Variants in BUD13 observed in about 807,000 individuals in gnomAD.
The protein encoded by BUD13 is BUD13 spliceosome associated protein.
A neutral mutation model predicts 62.5 loss-of-function variants in BUD13; 47 were observed. The ratio of observed to expected loss-of-function variants is 0.75; its 90% CI spans 0.60 to 0.96. The LOEUF is 0.96. Among genes scored for constraint, BUD13 ranks in the 40% least tolerant of loss-of-function variants. The pLI is 0.00. For synonymous variants in BUD13, 293 were observed against 280.1 expected, an observed-to-expected ratio of 1.05 and a Z score of -0.46; for missense variants, 821 against 790.9, an observed-to-expected ratio of 1.04 and a Z score of -0.46.
At position 116,762,978 on chromosome 11, in the gene BUD13, C is replaced by T; in HGVS notation, c.611G>A (p.Arg204Lys). The T allele has an allele frequency of 6.2e-7, 1 of 1,613,672 alleles. No homozygotes were observed. Among genetic ancestry groups the T allele is most frequent in the South Asian group, 1.1e-5 (1 of 91,052 alleles). ...ACCTGAAGAATTATGCTGAGGCCTC[C>T]TTGGGGGAGAAGGATCTGGAGAATC... Reference protein sequence around the residue: ...RHDSPDPSPPRRPQHNSSGAS... With the variant: ...RHDSPDPSPPKRPQHNSSGAS... Residue 204 changes from arginine (R) to lysine (K), a missense_variant, in exon 4 of 10, where the codon AGG (arginine) becomes AAG (lysine). Transcript: ENST00000260210.
chr11:116,758,271 T>A lies in BUD13; in HGVS notation c.1497A>T (p.Lys499Asn). ...TACCCTTTCAGTGGTTCCCTTACCC[T>A]TTTCCCCACTGGGCATACAGCTCAT... ...ERDELYAQWG[K>N]GLAQSRQQQQ... Residue 499 changes from lysine (K) to asparagine (N), a missense_variant and splice_region_variant, in exon 7 of 10, where the codon AAA becomes AAT. Coordinates refer to ENST00000260210, the MANE Select transcript of BUD13 (RefSeq NM_032725.4). 6.2e-7 allele frequency: 1 copy of A among 1,613,752 alleles called. No homozygotes were observed. Among genetic ancestry groups the A allele is most frequent in the Non-Finnish European group, 8.5e-7 (1 of 1,179,786 alleles).
intron 2 of BUD13, among the ~76,000 whole-genome samples, chr11:116,769,077 C>G (rs1940580491): frequency 6.6e-6 from 1 of 151,292 alleles, no homozygotes; most frequent in African/African-American, 2.4e-5. Context: ...TGGAATCCAT[C>G]TTTACCAACT....
At chr11:116,749,352 T>G (rs1940194566) in intron 9 of BUD13, among the ~76,000 whole-genome samples, 1 of 152,110 alleles carries the variant, frequency 6.6e-6, no homozygotes, top group Non-Finnish European at 1.5e-5. Flanking sequence ...CAGCATAAAC[T>G]CTGGTAGAAA....
Position 116,763,262 on chromosome 11 carries a change from G to A in BUD13, c.327C>T (p.His109=). 6.5e-7 allele frequency: 1 copy of A among 1,532,928 alleles called. No individual in the cohort carries two copies. The highest frequency in any genetic ancestry group is 2.3e-5 in the East Asian group (1 of 44,156). The allele number at this position is 1,532,928 out of a possible 1,614,324, so 95.0% of individuals were successfully genotyped here. ...SSAKWKLLGG[H]NEDLPSNRHF... The stretch of plus-strand genomic sequence containing the variant: ...GTCTGTTTGAGGGTAGGTCTTCGTT[G>A]TGGCCTAAACACAAATAACAAAGAG... Residue 109 remains histidine, a synonymous_variant, in exon 4 of 10, where the codon CAC becomes CAT. Coordinates refer to ENST00000260210, the MANE Select transcript of BUD13 (RefSeq NM_032725.4).
chr11:116,756,245 T>C (rs1183195688), intron 9 of BUD13, among the ~76,000 whole-genome samples: 1 of 151,880 alleles, frequency 6.6e-6, no homozygotes, highest in Non-Finnish European at 1.5e-5. Context: ...CCTGTAATCC[T>C]GTAAGCCTGT....
At chr11:116,754,278 C>A (rs1940288531) in intron 9 of BUD13, among the ~76,000 whole-genome samples, 1 of 152,226 alleles carries the variant, frequency 6.6e-6, no homozygotes, top group South Asian at 2.1e-4. Flanking sequence ...AACTCCTAGG[C>A]TCAAGCAATC....
intron 9 of BUD13, among the ~76,000 whole-genome samples, chr11:116,754,550 A>C (rs1285794111): frequency 6.6e-6 from 1 of 152,210 alleles, no homozygotes; most frequent in Non-Finnish European, 1.5e-5. Flanking sequence ...CCTGAAAACA[A>C]AACTCTCAGC....
intron 2 of BUD13, among the ~76,000 whole-genome samples, chr11:116,769,014 C>CAAAAAAAA (rs34626460): frequency 2.2e-5 from 2 of 90,162 alleles, no homozygotes; most frequent in African/African-American, 4.2e-5. Flanking sequence ...GACTCCGTCT[C>CAAAAAAAA]AAAAAAAAAA....
chr11:116,768,358 AGAG>A (rs1158848740), intron 2 of BUD13, among the ~76,000 whole-genome samples: 3 of 152,228 alleles, frequency 2.0e-5, no homozygotes, highest in Non-Finnish European at 4.4e-5. Context: ...ATTATTTAGC[AGAG>A]GAGTAGACTC....
Position 116,763,070 on chromosome 11 carries a change from G to A in BUD13, c.519C>T (p.Asp173=), listed in dbSNP as rs576492850. ...GACGGATCCTCCTGGGAGGAGATGT[G>A]TCTGAGTCATGACGAGCCCCTCTGA... ...SPLRGARHDS[D]TSPPRRIRHD... The change falls in exon 4 of 10, where the codon GAC becomes GAT. Residue 173 remains aspartate, a synonymous_variant. Coordinates refer to ENST00000260210, the MANE Select transcript of BUD13 (RefSeq NM_032725.4). 1 of 1,612,504 alleles carries A rather than the reference G, an allele frequency of 6.2e-7. No homozygotes were observed. Among genetic ancestry groups the A allele is most frequent in the South Asian group, 1.1e-5 (1 of 91,000 alleles).
chr11:116,752,497 T>TA (rs66505542), intron 9 of BUD13, among the ~76,000 whole-genome samples: 8 of 151,602 alleles, frequency 5.3e-5, no homozygotes, highest in Non-Finnish European at 1.0e-4. Context: ...TAAATACTAG[T>TA]AAAAAAAAAC....
At chr11:116,770,077 A>G in intron 2 of BUD13, 52 bp downstream of exon 2, 1 of 1,380,570 alleles carries the variant, frequency 7.2e-7, no homozygotes, top group Non-Finnish European at 9.9e-7. Flanking sequence ...AAAAAAAGGA[A>G]ATTGAGAAGC....
At chr11:116,751,701 AAGCACC>A (rs1940237867) in intron 9 of BUD13, among the ~76,000 whole-genome samples, 1 of 152,300 alleles carries the variant, frequency 6.6e-6, no homozygotes, top group Admixed American at 6.5e-5. Context: ...TGGTATTCCA[AAGCACC>A]AAGGAAACCA....
At chr11:116,750,220 G>A (rs1489564192) in intron 9 of BUD13, among the ~76,000 whole-genome samples, 1 of 152,190 alleles carries the variant, frequency 6.6e-6, no homozygotes, top group Admixed American at 6.5e-5. Flanking sequence ...CACAGAGGAA[G>A]AGGAGTTTGC....
At chr11:116,753,956 C>T (rs1235198704) in intron 9 of BUD13, among the ~76,000 whole-genome samples, 2 of 152,210 alleles carry the variant, frequency 1.3e-5, no homozygotes, top group African/African-American at 4.8e-5. Context: ...CCTTATATAG[C>T]TACAGAATAT....
intron 9 of BUD13, among the ~76,000 whole-genome samples, chr11:116,752,147 CATGTTAGCCAGG>C (rs1355474849): frequency 6.6e-6 from 1 of 152,096 alleles, no homozygotes; most frequent in East Asian, 1.9e-4. Flanking sequence ...GAGGTTTCAC[CATGTTAGCCAGG>C]ATGGTCTCAA....
At chr11:116,769,649 T>C (rs535404361) in intron 2 of BUD13, among the ~76,000 whole-genome samples, 32 of 152,196 alleles carry the variant, frequency 2.1e-4, no homozygotes, top group Non-Finnish European at 3.8e-4. Context: ...CAAGTTGGTG[T>C]ATAGGCATCA....
chr11:116,748,402 C>G lies in BUD13; in HGVS notation c.*80G>C. ...GGTCTGTGTGGGCTCCAATTATTAG[C>G]ACAGACAACTGTTACCACTGGATAT... On this transcript the variant is annotated 3_prime_UTR_variant, in exon 10 of 10. Coordinates refer to ENST00000260210, the MANE Select transcript of BUD13 (RefSeq NM_032725.4). 1 of 1,290,030 alleles carries G rather than the reference C, an allele frequency of 7.8e-7. No homozygotes were observed. The highest frequency in any genetic ancestry group is 1.2e-5 in the South Asian group (1 of 82,226). The allele number at this position is 1,290,030 out of a possible 1,614,324, so 79.9% of individuals were successfully genotyped here. A position where few individuals can be genotyped will look rare whatever the true frequency, so the allele number is the denominator to read the frequency against.
chr11:116,766,710 C>A (rs761250770), intron 2 of BUD13, among the ~76,000 whole-genome samples: 6 of 152,192 alleles, frequency 3.9e-5, no homozygotes, highest in Non-Finnish European at 8.8e-5. Flanking sequence ...TTAATTATTC[C>A]TGTGCTGCCA....
Sources: gnomAD v4.1 joint callset for allele counts (sites outside exome capture counted in the v4.1 genomes callset) on GRCh38, gnomAD v4.1.1 for gene constraint, MANE v1.5 for transcripts, NCBI Gene and HGNC (gene_info 2026-07-23, HGNC 2026-07-21) for gene names.